The following GRIN3A variants were observed in gnomAD, a reference collection of about 807,000 sequenced individuals.
The protein encoded by GRIN3A is glutamate receptor ionotropic, NMDA 3A.
GRIN3A carries 47 observed loss-of-function variants against 92.4 expected under a neutral mutation model. That is an observed-to-expected ratio of 0.51 (90% CI 0.40 to 0.65). The LOEUF is 0.65. Among genes scored for constraint, GRIN3A ranks in the 30% least tolerant of loss-of-function variants. The pLI is 0.00. For missense variants in GRIN3A, 1,324 were observed against 1,393.1 expected (o/e 0.95, Z 0.79); for synonymous variants, 527 against 540.6 (o/e 0.97, Z 0.35).
At chr9:101,609,672 C>T (rs1469588255) in intron 6 of GRIN3A, among the ~76,000 whole-genome samples, 1 of 152,168 alleles carries the variant, frequency 6.6e-6, no homozygotes, top group Non-Finnish European at 1.5e-5. Context: ...AGCTGTCTGT[C>T]CTTAGGTCCT....
chr9:101,640,707 G>T (rs1444958401), intron 3 of GRIN3A, among the ~76,000 whole-genome samples: 1 of 152,098 alleles, frequency 6.6e-6, no homozygotes, highest in Non-Finnish European at 1.5e-5. Flanking sequence ...TCTTTCACTT[G>T]CTGTTCTTGT....
At chr9:101,632,256 AC>A (rs1361074714) in intron 3 of GRIN3A, among the ~76,000 whole-genome samples, 1 of 152,054 alleles carries the variant, frequency 6.6e-6, no homozygotes. Context: ...GACCTGTAAC[AC>A]CCTCCCATTA....
intron 2 of GRIN3A, among the ~76,000 whole-genome samples, chr9:101,681,160 A>G (rs557967974): frequency 2.0e-5 from 3 of 152,244 alleles, no homozygotes; most frequent in Non-Finnish European, 4.4e-5. Flanking sequence ...GTAAATTCTC[A>G]AACTCCTATT....
rs1361977134 is a variant in GRIN3A at position 101,573,303 on chromosome 9, GT to G, written c.3218del (p.Asn1073ThrfsTer3). ...GCTCTGAGAGTTCCTGCATCACTGA[GT>G]TCCGAGATACATTTAGGGAGTCTGC... The part of the protein sequence containing the change: ...GKADSLNVSR[N>X]SVMQELSELE... On this transcript the variant is annotated frameshift_variant, in exon 9 of 9. Transcript: ENST00000361820. LOFTEE classifies it high-confidence loss of function. 9 of 1,614,056 alleles carry G rather than the reference GT, an allele frequency of 5.6e-6. No individual in the cohort carries two copies. Among genetic ancestry groups the G allele is most frequent in the Non-Finnish European group, 7.6e-6 (9 of 1,179,980 alleles).
At chr9:101,689,858 C>T (rs1163128412) in intron 1 of GRIN3A, among the ~76,000 whole-genome samples, 2 of 151,800 alleles carry the variant, frequency 1.3e-5, no homozygotes, top group African/African-American at 4.8e-5. Flanking sequence ...TAAACAAGAC[C>T]TATTGAGTAA....
At chr9:101,655,239 C>T (rs550178682) in intron 3 of GRIN3A, among the ~76,000 whole-genome samples, 1 of 151,810 alleles carries the variant, frequency 6.6e-6, no homozygotes, top group Non-Finnish European at 1.5e-5. Context: ...ATCCTGAAAA[C>T]CTTCGCTGCC....
chr9:101,709,819 C>T (rs1028131727), intron 1 of GRIN3A, among the ~76,000 whole-genome samples: 1 of 151,992 alleles, frequency 6.6e-6, no homozygotes, highest in African/African-American at 2.4e-5. Context: ...TACCCAAGGC[C>T]CCAAGGAAGT....
intron 3 of GRIN3A, among the ~76,000 whole-genome samples, chr9:101,630,273 A>G (rs1331204333): frequency 1.3e-5 from 2 of 152,144 alleles, no homozygotes; most frequent in Non-Finnish European, 2.9e-5. Flanking sequence ...AAAATTTTCT[A>G]TGTGAAGCCT....
intron 6 of GRIN3A, among the ~76,000 whole-genome samples, chr9:101,603,840 A>T (rs1350015181): frequency 6.6e-6 from 1 of 152,230 alleles, no homozygotes; most frequent in Non-Finnish European, 1.5e-5. Flanking sequence ...TTCACGCCTC[A>T]GTGTTTTACT....
intron 1 of GRIN3A, among the ~76,000 whole-genome samples, chr9:101,691,089 A>G (rs570044107): frequency 6.6e-6 from 1 of 152,248 alleles, no homozygotes; most frequent in East Asian, 1.9e-4. Context: ...AAGGAACATG[A>G]AAAACAAGAG....
chr9:101,652,989 T>C (rs1465518027), intron 3 of GRIN3A, among the ~76,000 whole-genome samples: 1 of 151,944 alleles, frequency 6.6e-6, no homozygotes, highest in South Asian at 2.1e-4. Flanking sequence ...AAATTTTCCA[T>C]GGTTTGACTC....
chr9:101,714,319 G>A (rs1829918190), intron 1 of GRIN3A, among the ~76,000 whole-genome samples: 1 of 152,074 alleles, frequency 6.6e-6, no homozygotes, highest in Admixed American at 6.6e-5. Flanking sequence ...AAAGAAACAG[G>A]AAAAGTAAAT....
At chr9:101,591,137 C>T (rs960235386) in intron 6 of GRIN3A, among the ~76,000 whole-genome samples, 1 of 152,138 alleles carries the variant, frequency 6.6e-6, no homozygotes, top group African/African-American at 2.4e-5. Flanking sequence ...TTTGCGTTAT[C>T]GGTTTAATCT....
chr9:101,704,063 T>G (rs907629767), intron 1 of GRIN3A, among the ~76,000 whole-genome samples: 1 of 152,216 alleles, frequency 6.6e-6, no homozygotes, highest in African/African-American at 2.4e-5. Context: ...CAAACAACGG[T>G]ATTTACTAAG....
intron 1 of GRIN3A, among the ~76,000 whole-genome samples, chr9:101,693,244 A>T (rs200552835): frequency 4.7e-5 from 6 of 128,440 alleles, no homozygotes; most frequent in African/African-American, 1.8e-4. Flanking sequence ...TCTCAGCTAA[A>T]ATATATATAT....
intron 1 of GRIN3A, among the ~76,000 whole-genome samples, chr9:101,688,425 G>A (rs1010831738): frequency 6.6e-6 from 1 of 152,146 alleles, no homozygotes; most frequent in East Asian, 1.9e-4. Flanking sequence ...CTTAAAATTT[G>A]TTCTGAGAAT....
rs1827781679 is a variant in GRIN3A, at chr9:101,573,117, G to T, written c.*57C>A. 1.4e-6 allele frequency: 2 copies of T among 1,394,540 alleles called. No homozygotes were observed. The highest frequency in any genetic ancestry group is 1.0e-6 in the Non-Finnish European group (1 of 980,568). 86.4% of individuals were successfully genotyped at this position (1,394,540 alleles called of 1,614,324 possible). A position where few individuals can be genotyped will look rare whatever the true frequency, so the allele number is the denominator to read the frequency against. Reference sequence around the variant, plus strand: ...GATAGTTACAAAAGAGCATTACAAAGTGTCTCAAGGGCTCAGAGGAAGGTC... The same window carrying T: ...GATAGTTACAAAAGAGCATTACAAATTGTCTCAAGGGCTCAGAGGAAGGTC... On this transcript the variant is annotated 3_prime_UTR_variant, in exon 9 of 9. Coordinates refer to ENST00000361820, the MANE Select transcript of GRIN3A (RefSeq NM_133445.3).
At chr9:101,580,740 G>A (rs769065138) in intron 6 of GRIN3A, among the ~76,000 whole-genome samples, 19 of 152,156 alleles carry the variant, frequency 1.2e-4, no homozygotes, top group Non-Finnish European at 1.3e-4. Flanking sequence ...GATATATAAC[G>A]TCTATTTTAT....
intron 6 of GRIN3A, among the ~76,000 whole-genome samples, chr9:101,582,693 A>C (rs1219789414): frequency 6.6e-6 from 1 of 152,212 alleles, no homozygotes; most frequent in Non-Finnish European, 1.5e-5. Flanking sequence ...GCTGTGGATT[A>C]AGAACAGACT....
Sources: gnomAD v4.1 joint callset for allele counts (sites outside exome capture counted in the v4.1 genomes callset) on GRCh38, gnomAD v4.1.1 for gene constraint, MANE v1.5 for transcripts, NCBI Gene and HGNC (gene_info 2026-07-23, HGNC 2026-07-21) for gene names.